The following MAML2 variants were observed in gnomAD, a reference collection of about 807,000 sequenced individuals.
MAML2 encodes mastermind like transcriptional coactivator 2.
In MAML2, 22 loss-of-function variants were observed where a neutral mutation model predicts 96.1. That is an observed-to-expected ratio of 0.23 (90% confidence interval 0.16 to 0.33). MAML2 has a LOEUF of 0.33. Ranked by LOEUF, MAML2 falls within the 10% of genes least tolerant of loss-of-function variation. The pLI is 1.00. For missense variants in MAML2, 1,367 were observed against 1,392.4 expected (o/e 0.98, Z 0.29); for synonymous variants, 561 against 521.3 (o/e 1.08, Z -1.04).
At chr11:96,184,078 T>C (rs999959297) in intron 1 of MAML2, among the ~76,000 whole-genome samples, 5 of 151,198 alleles carry the variant, frequency 3.3e-5, no homozygotes, top group Admixed American at 2.0e-4. Context: ...TTGAGGATGG[T>C]ACTCCCGGGC....
chr11:96,208,396 A>T (rs571276515), intron 1 of MAML2, among the ~76,000 whole-genome samples: 6 of 152,350 alleles, frequency 3.9e-5, no homozygotes, highest in Admixed American at 1.3e-4. Context: ...TTCTGCTCTA[A>T]TGTTTTAGCA....
intron 1 of MAML2, among the ~76,000 whole-genome samples, chr11:96,234,660 C>T (rs1862342991): frequency 6.6e-6 from 1 of 152,156 alleles, no homozygotes; most frequent in Admixed American, 6.5e-5. Context: ...CTCACACACA[C>T]ACAAGCACAC....
At chr11:96,029,765 G>A (rs1858581973) in intron 2 of MAML2, among the ~76,000 whole-genome samples, 1 of 152,048 alleles carries the variant, frequency 6.6e-6, no homozygotes, top group Admixed American at 6.6e-5. Context: ...AAAATTTAGT[G>A]GTGAGGTTTC....
intron 1 of MAML2, among the ~76,000 whole-genome samples, chr11:96,325,205 G>C (rs1366897893): frequency 2.0e-5 from 3 of 151,968 alleles, no homozygotes; most frequent in South Asian, 2.1e-4. Flanking sequence ...TTATACATTT[G>C]GGGTTTAGCT....
intron 4 of MAML2, among the ~76,000 whole-genome samples, chr11:95,981,341 C>T (rs1857733503): frequency 6.6e-6 from 1 of 152,136 alleles, no homozygotes; most frequent in Non-Finnish European, 1.5e-5. Flanking sequence ...TTGAAATCTT[C>T]TTGACTTCTG....
At chr11:96,029,915 T>C (rs1310393178) in intron 2 of MAML2, among the ~76,000 whole-genome samples, 1 of 152,200 alleles carries the variant, frequency 6.6e-6, no homozygotes, top group Non-Finnish European at 1.5e-5. Context: ...AGTGTTCAGC[T>C]AATTTTTTTA....
At chr11:96,015,876 C>A (rs1406852621) in intron 2 of MAML2, among the ~76,000 whole-genome samples, 1 of 152,014 alleles carries the variant, frequency 6.6e-6, no homozygotes, top group African/African-American at 2.4e-5. Flanking sequence ...TTCATACTGA[C>A]AAGGCTCAGT....
intron 1 of MAML2, among the ~76,000 whole-genome samples, chr11:96,242,108 CTT>C (rs1862446024): frequency 6.6e-6 from 1 of 152,198 alleles, no homozygotes; most frequent in Admixed American, 6.5e-5. Flanking sequence ...CACTTTTTTA[CTT>C]TGTTTCTCAA....
chr11:95,998,342 T>C lies in MAML2; in HGVS notation c.2140-6619A>G, dbSNP rs1278338005. On this transcript the variant is annotated intron_variant, in intron 2 of 4. Coordinates refer to ENST00000524717, the MANE Select transcript of MAML2 (RefSeq NM_032427.4). ...ATTCTTGATGTATTATTTGGAATGCTCTTCAGAACTCCAAGCTGCTATTCT... is the reference window on the plus strand; with the variant it reads ...ATTCTTGATGTATTATTTGGAATGCCCTTCAGAACTCCAAGCTGCTATTCT... Among the ~76,000 whole-genome samples, 31 of 152,178 alleles carry C rather than the reference T, an allele frequency of 2.0e-4. 1 individual carries two copies. The highest frequency in any genetic ancestry group is 2.0e-3 in the Admixed American group (31 of 15,258).
chr11:96,024,975 A>G (rs78029078), intron 2 of MAML2, among the ~76,000 whole-genome samples: 2,007 of 152,332 alleles, frequency 0.013, 39 homozygotes, highest in African/African-American at 0.044. Context: ...TTCAGCCACT[A>G]CGGAAAGCAG....
In MAML2 at chr11:96,039,596, A is replaced by T. The variant is rs574077349; in HGVS notation, c.2140-47873T>A. On this transcript the variant is annotated intron_variant, in intron 2 of 4. Coordinates refer to ENST00000524717, the MANE Select transcript of MAML2 (RefSeq NM_032427.4). The stretch of plus-strand genomic sequence containing the variant: ...ATAGAATAAATAGTTTAGGATAAGA[A>T]AGAAAGCTTAAAGGCCCAGAAGTAG... Among the ~76,000 whole-genome samples, 5 of 152,290 alleles carry T rather than the reference A, an allele frequency of 3.3e-5. No individual in the cohort carries two copies. The South Asian group carries it at 1.0e-3, about 32-fold the overall frequency.
chr11:96,209,931 C>T (rs16923291), intron 1 of MAML2, among the ~76,000 whole-genome samples: 12,386 of 152,174 alleles, frequency 0.081, 641 homozygotes, highest in Middle Eastern at 0.13. Context: ...TGGAGGCATA[C>T]TTTACGGTGA....
chr11:96,343,088 TC>T lies in MAML2; in HGVS notation c.-1194del. 1 of 398,632 alleles carries T rather than the reference TC, an allele frequency of 2.5e-6. No individual in the cohort carries two copies. 24.7% of individuals were successfully genotyped at this position (398,632 alleles called of 1,614,324 possible). A position where few individuals can be genotyped will look rare whatever the true frequency, so the allele number is the denominator to read the frequency against. The stretch of plus-strand genomic sequence containing the variant: ...AGTAGCTTGTATTTTCCTTTCTCTT[TC>T]TCGTCTGTTGTTAGCCGCTTTGCTG... On this transcript the variant is annotated 5_prime_UTR_variant, in exon 1 of 5. Coordinates refer to ENST00000524717, the MANE Select transcript of MAML2 (RefSeq NM_032427.4).
intron 1 of MAML2, among the ~76,000 whole-genome samples, chr11:96,178,600 C>T (rs1018222619): frequency 3.3e-5 from 5 of 152,134 alleles, no homozygotes; most frequent in Non-Finnish European, 7.4e-5. Flanking sequence ...AACCAATCGC[C>T]TAAAACTACC....
intron 1 of MAML2, among the ~76,000 whole-genome samples, chr11:96,171,519 A>C (rs1018955122): frequency 2.6e-5 from 4 of 152,214 alleles, no homozygotes; most frequent in Admixed American, 1.3e-4. Flanking sequence ...GTGTTCAATA[A>C]ATACATTTTT....
intron 1 of MAML2, among the ~76,000 whole-genome samples, chr11:96,170,800 C>T (rs1049570946): frequency 1.4e-4 from 22 of 152,184 alleles, no homozygotes; most frequent in Middle Eastern, 6.8e-3. Flanking sequence ...CTGCAAGCTC[C>T]GCCTCCCGGG....
intron 1 of MAML2, among the ~76,000 whole-genome samples, chr11:96,095,819 T>C (rs1008833716): frequency 2.0e-5 from 3 of 152,248 alleles, no homozygotes; most frequent in African/African-American, 7.2e-5. Flanking sequence ...CATTTAGTGA[T>C]GAACAATTTG....
At chr11:95,998,969 T>G (rs529517407) in intron 2 of MAML2, among the ~76,000 whole-genome samples, 19 of 152,286 alleles carry the variant, frequency 1.2e-4, no homozygotes, top group African/African-American at 4.6e-4. Context: ...GGAGAACACA[T>G]GAACTCTTTT....
chr11:96,307,935 T>C (rs1421403609), intron 1 of MAML2, among the ~76,000 whole-genome samples: 1 of 152,052 alleles, frequency 6.6e-6, no homozygotes, highest in Non-Finnish European at 1.5e-5. Flanking sequence ...GGATATCATT[T>C]TATAGGGGAA....
Sources: gnomAD v4.1 joint callset for allele counts (sites outside exome capture counted in the v4.1 genomes callset) on GRCh38, gnomAD v4.1.1 for gene constraint, MANE v1.5 for transcripts, NCBI Gene and HGNC (gene_info 2026-07-23, HGNC 2026-07-21) for gene names.